Variants in MACO1 observed in about 807,000 individuals in gnomAD.
MACO1 encodes macoilin.
A neutral mutation model predicts 78.7 loss-of-function variants in MACO1; 14 were observed. The ratio of observed to expected loss-of-function variants is 0.18; its 90% CI spans 0.12 to 0.28. The LOEUF is 0.28. MACO1 is among the 10% of genes least tolerant of loss of function. MACO1 has a pLI of 1.00. For missense variants in MACO1, 501 were observed against 799.0 expected (o/e 0.63, Z 4.50); for synonymous variants, 288 against 291.6 (o/e 0.99, Z 0.12).
At chr1:25,462,496 C>T (rs1446051011) in intron 6 of MACO1, among the ~76,000 whole-genome samples, 1 of 152,020 alleles carries the variant, frequency 6.6e-6, no homozygotes, top group Admixed American at 6.6e-5. Flanking sequence ...TTGTTCCAGT[C>T]TTTCTGTCCG....
chr1:25,481,663 C>T (rs1447998224), intron 6 of MACO1, among the ~76,000 whole-genome samples: 5 of 152,164 alleles, frequency 3.3e-5, no homozygotes, highest in African/African-American at 1.2e-4. Flanking sequence ...CTTTGGGCTA[C>T]TTAGGAGTGA....
Position 25,479,111 on chromosome 1 carries a change from G to C in MACO1, c.1155-5005G>C, listed in dbSNP as rs528414026. On this transcript the variant is annotated intron_variant, in intron 6 of 10. Transcript: ENST00000374343. ...CCTGTCTGCTGAGATTAGTTTCAAG[G>C]CTTATAATCTATTACTTCTGCCTCG... Among the ~76,000 whole-genome samples, 30 of 152,192 alleles carry C rather than the reference G, an allele frequency of 2.0e-4. No homozygotes were observed. In the South Asian group the frequency reaches 6.0e-3, roughly 30 times the overall value.
intron 1 of MACO1, among the ~76,000 whole-genome samples, chr1:25,437,297 G>GC (rs1188545520): frequency 7.8e-6 from 1 of 127,736 alleles, no homozygotes; most frequent in African/African-American, 3.1e-5. Flanking sequence ...ACCATGCCTG[G>GC]CTTTTTTTTT....
intron 6 of MACO1, among the ~76,000 whole-genome samples, chr1:25,480,786 C>A (rs899101285): frequency 6.0e-5 from 9 of 151,258 alleles, no homozygotes; most frequent in African/African-American, 1.9e-4. Context: ...TAAAAATTAG[C>A]TGGGCGTGGT....
chr1:25,486,608 A>AT (rs2043435342), intron 8 of MACO1, among the ~76,000 whole-genome samples: 1 of 151,992 alleles, frequency 6.6e-6, no homozygotes, highest in Admixed American at 6.6e-5. Context: ...TTCAACTGTA[A>AT]TTTTTCCTTG....
chr1:25,487,303 G>C (rs1255333443), intron 8 of MACO1, among the ~76,000 whole-genome samples: 1 of 152,088 alleles, frequency 6.6e-6, no homozygotes, highest in African/African-American at 2.4e-5. Flanking sequence ...ACAGGCTCCT[G>C]CCACCGTGCC....
At chr1:25,469,319 T>C (rs2124595891) in intron 6 of MACO1, among the ~76,000 whole-genome samples, 1 of 152,312 alleles carries the variant, frequency 6.6e-6, no homozygotes, top group South Asian at 2.1e-4. Context: ...TGATACGAGT[T>C]TTTGTGACTC....
intron 1 of MACO1, among the ~76,000 whole-genome samples, chr1:25,434,887 G>C (rs967348271): frequency 6.6e-6 from 1 of 152,042 alleles, no homozygotes; most frequent in African/African-American, 2.4e-5. Context: ...GGTGAGGTTA[G>C]GGTACTATGT....
At chr1:25,477,203 C>T (rs773404344) in intron 6 of MACO1, among the ~76,000 whole-genome samples, 9 of 152,106 alleles carry the variant, frequency 5.9e-5, no homozygotes, top group Non-Finnish European at 1.0e-4. Context: ...TATTGGGCAC[C>T]GTGTGCTGGA....
chr1:25,431,236 G>A, intron 1 of MACO1, 58 bp downstream of exon 1: 1 of 1,397,534 alleles, frequency 7.2e-7, no homozygotes, highest in South Asian at 1.3e-5. Context: ...CTCCAGCTCC[G>A]AGGGGCCTGG....
In MACO1 at chr1:25,431,152, C is replaced by T; in HGVS notation, c.54C>T (p.Asn18=). The T allele has an allele frequency of 6.3e-7, 1 of 1,598,572 alleles. No individual in the cohort carries two copies. The highest frequency in any genetic ancestry group is 1.1e-5 in the South Asian group (1 of 89,530). The change falls in exon 1 of 11, where the codon AAC becomes AAT. Residue 18 remains asparagine (N), a synonymous_variant. Transcript: ENST00000374343. ...CSKLRRPLKR[N]RITEGIYGST... Reference sequence around the variant, plus strand: ...AGCTCCGCCGCCCCCTAAAGCGGAACCGGATCACCGAGGGCATTTACGGCA... The same window carrying T: ...AGCTCCGCCGCCCCCTAAAGCGGAATCGGATCACCGAGGGCATTTACGGCA...
At chr1:25,437,721 A>G (rs2042932166) in intron 1 of MACO1, among the ~76,000 whole-genome samples, 1 of 152,070 alleles carries the variant, frequency 6.6e-6, no homozygotes, top group Admixed American at 6.5e-5. Context: ...GGAGTTCAAG[A>G]CTAGCCTAGG....
At chr1:25,480,975 T>TATATATATATATATA (rs2043372106) in intron 6 of MACO1, among the ~76,000 whole-genome samples, 1 of 128,258 alleles carries the variant, frequency 7.8e-6, no homozygotes, top group Non-Finnish European at 1.6e-5. Context: ...TATATATATA[T>TATATATATATATATA]TTCATGTTCT....
rs144792966 is a variant in MACO1, at chr1:25,442,880, T to C, written c.81-3882T>C. Among the ~76,000 whole-genome samples the C allele has an allele frequency of 3.9e-3, 587 of 152,352 alleles. 13 individuals carry two copies. The highest frequency in any genetic ancestry group is 0.033 in the Admixed American group (506 of 15,304). Reference sequence around the variant, plus strand: ...TATATTATTTTGGAAAATATCTTTTTGTTGCAGTTATGCTTTAAAATTTTG... The same window carrying C: ...TATATTATTTTGGAAAATATCTTTTCGTTGCAGTTATGCTTTAAAATTTTG... On this transcript the variant is annotated intron_variant, in intron 1 of 10. Coordinates refer to ENST00000374343, the MANE Select transcript of MACO1 (RefSeq NM_018202.6).
intron 6 of MACO1, among the ~76,000 whole-genome samples, chr1:25,472,083 G>A (rs565056090): frequency 2.3e-4 from 35 of 152,184 alleles, no homozygotes; most frequent in Admixed American, 5.2e-4. Context: ...ATCTCAGTTT[G>A]CCTTGTCTTA....
chr1:25,440,364 T>C (rs762203178), intron 1 of MACO1, among the ~76,000 whole-genome samples: 1 of 143,638 alleles, frequency 7.0e-6, no homozygotes, highest in Middle Eastern at 3.4e-3. Context: ...ATTGTACCAC[T>C]GCACTTCAGC....
rs185040227 is a variant in MACO1 at position 25,484,648 on chromosome 1, C to T, written c.1313+374C>T. On this transcript the variant is annotated intron_variant, in intron 7 of 10. Coordinates refer to ENST00000374343, the MANE Select transcript of MACO1 (RefSeq NM_018202.6). ...ATTTGACTATATTTACTTTTATTTC[C>T]AGAACTAAAAGATGACATTGAACTT... Among the ~76,000 whole-genome samples the T allele has an allele frequency of 3.3e-5, 5 of 152,206 alleles. No individual in the cohort carries two copies. The East Asian group carries it at 9.6e-4, about 29-fold the overall frequency.
chr1:25,469,042 C>T (rs1192830141), intron 6 of MACO1, among the ~76,000 whole-genome samples: 1 of 151,882 alleles, frequency 6.6e-6, no homozygotes. Context: ...GGGGTTTCAC[C>T]ATGTTGCCCA....
At chr1:25,480,929 A>AAAAAAAT (rs1553166539) in intron 6 of MACO1, among the ~76,000 whole-genome samples, 19 of 47,900 alleles carry the variant, frequency 4.0e-4, no homozygotes, top group African/African-American at 4.9e-4. Context: ...AAAAAAAAAA[A>AAAAAAAT]ATATATATAT....
Sources: gnomAD v4.1 joint callset for allele counts (sites outside exome capture counted in the v4.1 genomes callset) on GRCh38, gnomAD v4.1.1 for gene constraint, MANE v1.5 for transcripts, NCBI Gene and HGNC (gene_info 2026-07-23, HGNC 2026-07-21) for gene names.